The following BCAT1 variants were observed in gnomAD, a reference collection of about 807,000 sequenced individuals.
The protein encoded by BCAT1 is branched chain amino acid transaminase 1, also known as branched-chain-amino-acid aminotransferase, cytosolic.
In BCAT1, 48 loss-of-function variants were observed where a neutral mutation model predicts 52.4. The ratio of observed to expected loss-of-function variants is 0.92; its 90% CI spans 0.73 to 1.16. BCAT1 has a LOEUF of 1.16. Ranked by LOEUF, BCAT1 falls within the 50% of genes most tolerant of loss-of-function variation. BCAT1 has a pLI of 0.00. For missense variants in BCAT1, 451 were observed against 457.1 expected (o/e 0.99, Z 0.12); for synonymous variants, 167 against 161.3 (o/e 1.04, Z -0.27).
chr12:24,824,275 C>G (rs1420466235), intron 10 of BCAT1, among the ~76,000 whole-genome samples: 1 of 140,616 alleles, frequency 7.1e-6, no homozygotes, highest in South Asian at 2.3e-4. Flanking sequence ...TCATTCCCTC[C>G]CTCCCTCCCT....
intron 1 of BCAT1, among the ~76,000 whole-genome samples, chr12:24,946,788 A>C (rs1218665457): frequency 1.3e-5 from 2 of 152,198 alleles, no homozygotes; most frequent in Non-Finnish European, 2.9e-5. Flanking sequence ...CATAGTACAA[A>C]ACTCAATTGT....
At chr12:24,945,411 A>C (rs1325900821) in intron 1 of BCAT1, 1 of 152,254 alleles carries the variant, frequency 6.6e-6, no homozygotes, top group Non-Finnish European at 1.5e-5. Context: ...GGAAAGGCCA[A>C]CAGTAGGAAC....
At chr12:24,914,083 CTTTT>C (rs34717106) in intron 1 of BCAT1, among the ~76,000 whole-genome samples, 5 of 135,690 alleles carry the variant, frequency 3.7e-5, no homozygotes, top group Non-Finnish European at 4.8e-5. Flanking sequence ...GGTAGATTAT[CTTTT>C]TTTTTTTTTT....
chr12:24,855,484 G>A lies in BCAT1; in HGVS notation c.511-5535C>T, dbSNP rs188433884. Among the ~76,000 whole-genome samples, 61 of 152,200 alleles carry A rather than the reference G, an allele frequency of 4.0e-4. 1 individual carries two copies. Among genetic ancestry groups the A allele is most frequent in the Middle Eastern group, 3.4e-3 (1 of 294 alleles). ...CAACCTCCACCTCCCAGGTTCAAGC[G>A]ATTCTCCTGCCTCAGCCTCCTGAGG... On this transcript the variant is annotated intron_variant, in intron 5 of 10. Coordinates refer to ENST00000261192, the MANE Select transcript of BCAT1 (RefSeq NM_005504.7).
rs530835414 is a variant in BCAT1, at chr12:24,851,151, C to G, written c.511-1202G>C. Among the ~76,000 whole-genome samples, 3 of 152,208 alleles carry G rather than the reference C, an allele frequency of 2.0e-5. No individual in the cohort carries two copies. The East Asian group carries it at 5.8e-4, about 29-fold the overall frequency. On this transcript the variant is annotated intron_variant, in intron 5 of 10. Transcript: ENST00000261192. ...TGGGCTATCCTCAGCAATATAAGACCACATGAAGTAAAAAAACAAGGCAGG... is the reference window on the plus strand; with the variant it reads ...TGGGCTATCCTCAGCAATATAAGACGACATGAAGTAAAAAAACAAGGCAGG...
intron 10 of BCAT1, among the ~76,000 whole-genome samples, chr12:24,818,639 C>T (rs1939979160): frequency 1.3e-5 from 2 of 152,064 alleles, no homozygotes; most frequent in Non-Finnish European, 2.9e-5. Flanking sequence ...TTGACAAGTC[C>T]CATGGATTTT....
chr12:24,854,604 G>A (rs1941613637), intron 5 of BCAT1, among the ~76,000 whole-genome samples: 1 of 152,086 alleles, frequency 6.6e-6, no homozygotes, highest in South Asian at 2.1e-4. Context: ...TATAGGAAAA[G>A]CTACTATAGC....
chr12:24,881,275 C>T, intron 4 of BCAT1, 26 bp downstream of exon 4: 1 of 1,517,622 alleles, frequency 6.6e-7, no homozygotes, highest in African/African-American at 1.4e-5. Flanking sequence ...AAAAGAAACA[C>T]AAAAGAAACT....
At chr12:24,850,331 T>C (rs1369307848) in intron 5 of BCAT1, among the ~76,000 whole-genome samples, 1 of 152,112 alleles carries the variant, frequency 6.6e-6, no homozygotes, top group Admixed American at 6.6e-5. Context: ...CTTTGGGGGG[T>C]AAAATATAAT....
At position 24,902,100 on chromosome 12, in the gene BCAT1, G is replaced by A. The variant is rs1051341773; in HGVS notation, c.7-215C>T. 6.1e-6 allele frequency: 9 copies of A among 1,470,686 alleles called. No individual in the cohort carries two copies. In the Admixed American group the frequency reaches 1.7e-4, roughly 28 times the overall value. The allele number at this position is 1,470,686 out of a possible 1,614,324, so 91.1% of individuals were successfully genotyped here. ...GCACTTCCCACCCTGCCGGGGTCGC[G>A]GCGGTTTTTGTCCTCCTCCGCCGGC... On this transcript the variant is annotated intron_variant, in intron 1 of 10. Coordinates refer to ENST00000261192, the MANE Select transcript of BCAT1 (RefSeq NM_005504.7).
chr12:24,875,453 C>A (rs937938028), intron 5 of BCAT1, among the ~76,000 whole-genome samples: 4 of 152,138 alleles, frequency 2.6e-5, no homozygotes, highest in Admixed American at 2.6e-4. Flanking sequence ...GTTGACTCCC[C>A]AAATAGTATT....
At position 24,885,830 on chromosome 12, in the gene BCAT1, G is replaced by C. The variant is rs559337469; in HGVS notation, c.280-4419C>G. ...GTGCTGGGAAAACTGGGTATACATA[G>C]GTGGAAAAAAATAAATTGGGCCCTT... On this transcript the variant is annotated intron_variant, in intron 3 of 10. Transcript: ENST00000261192. Among the ~76,000 whole-genome samples the C allele has an allele frequency of 2.0e-5, 3 of 152,144 alleles. No individual in the cohort carries two copies. In the East Asian group the frequency reaches 5.8e-4, roughly 29 times the overall value.
At chr12:24,917,828 C>T (rs2139715126) in intron 1 of BCAT1, among the ~76,000 whole-genome samples, 1 of 152,330 alleles carries the variant, frequency 6.6e-6, no homozygotes, top group South Asian at 2.1e-4. Context: ...CTCTCCTCCA[C>T]ACCAAATCAG....
chr12:24,866,858 AAG>A (rs1287610812), intron 5 of BCAT1, among the ~76,000 whole-genome samples: 1 of 152,134 alleles, frequency 6.6e-6, no homozygotes, highest in African/African-American at 2.4e-5. Context: ...GGGGCCAGAT[AAG>A]AGAATAAAAG....
At chr12:24,900,775 T>C (rs1943082166) in intron 2 of BCAT1, among the ~76,000 whole-genome samples, 1 of 151,984 alleles carries the variant, frequency 6.6e-6, no homozygotes, top group Non-Finnish European at 1.5e-5. Context: ...CTACTAAAAA[T>C]ACAAAATTAG....
chr12:24,858,323 TA>T (rs1941752736), intron 5 of BCAT1, among the ~76,000 whole-genome samples: 1 of 152,132 alleles, frequency 6.6e-6, no homozygotes, highest in Non-Finnish European at 1.5e-5. Flanking sequence ...GTCAGAAAAA[TA>T]AAAACTTTAA....
intron 2 of BCAT1, among the ~76,000 whole-genome samples, chr12:24,901,112 T>C (rs1469446380): frequency 6.6e-6 from 1 of 152,170 alleles, no homozygotes; most frequent in African/African-American, 2.4e-5. Context: ...GTGAGAGAGC[T>C]CAATGTGTGA....
Position 24,854,546 on chromosome 12 carries a change from T to C in BCAT1, c.511-4597A>G, listed in dbSNP as rs932152990. Among the ~76,000 whole-genome samples the C allele has an allele frequency of 5.9e-5, 9 of 152,154 alleles. No homozygotes were observed. In the East Asian group the frequency reaches 1.5e-3, roughly 26 times the overall value. ...CTCAGCGGTCCATACAGGGCTTGAA[T>C]GCTGTGAGGGTCAGGAAAGCGAGGG... On this transcript the variant is annotated intron_variant, in intron 5 of 10. Coordinates refer to ENST00000261192, the MANE Select transcript of BCAT1 (RefSeq NM_005504.7).
intron 5 of BCAT1, among the ~76,000 whole-genome samples, chr12:24,866,442 C>T (rs1370149496): frequency 6.6e-6 from 1 of 152,230 alleles, no homozygotes; most frequent in Non-Finnish European, 1.5e-5. Flanking sequence ...CCCCACTCCA[C>T]AGTGCCTGGT....
Sources: gnomAD v4.1 joint callset for allele counts (sites outside exome capture counted in the v4.1 genomes callset) on GRCh38, gnomAD v4.1.1 for gene constraint, MANE v1.5 for transcripts, NCBI Gene and HGNC (gene_info 2026-07-23, HGNC 2026-07-21) for gene names.